PAK1: variants seen among roughly 807,000 people sequenced by gnomAD.
PAK1 encodes the protein serine/threonine-protein kinase PAK 1.
Under a neutral mutation model 67.4 loss-of-function variants are expected in PAK1, and 29 were observed. The ratio of observed to expected loss-of-function variants is 0.43; its 90% CI spans 0.32 to 0.59. The LOEUF is 0.59. Ranked by LOEUF, PAK1 falls within the 20% of genes least tolerant of loss-of-function variation. The pLI is 0.07. For missense variants in PAK1, 337 were observed against 670.7 expected (o/e 0.50, Z 5.50); for synonymous variants, 223 against 237.4 (o/e 0.94, Z 0.56).
intron 2 of PAK1, among the ~76,000 whole-genome samples, chr11:77,387,574 T>C (rs1397338651): frequency 6.6e-6 from 1 of 152,260 alleles, no homozygotes; most frequent in African/African-American, 2.4e-5. Flanking sequence ...AATGAGTTGT[T>C]GTAGGTATCA....
intron 1 of PAK1, among the ~76,000 whole-genome samples, chr11:77,429,094 A>AAAAAAAAAC (rs1565696623): frequency 9.7e-6 from 1 of 102,636 alleles, no homozygotes; most frequent in African/African-American, 1.0e-4. Flanking sequence ...AAAAAAAAAA[A>AAAAAAAAAC]CACACACACA....
upstream of PAK1, among the ~76,000 whole-genome samples, chr11:77,477,260 A>G (rs966895222): frequency 7.2e-5 from 11 of 152,226 alleles, no homozygotes; most frequent in African/African-American, 2.2e-4. Flanking sequence ...AGGCAAAACA[A>G]TGTATAACAA....
the PAK1 span, among the ~76,000 whole-genome samples, chr11:77,523,773 T>A: frequency 6.6e-6 from 1 of 152,130 alleles, no homozygotes; most frequent in Non-Finnish European, 1.5e-5. Flanking sequence ...TAATAAAAAG[T>A]TTTTCAAAAT....
intron 1 of PAK1, among the ~76,000 whole-genome samples, chr11:77,406,793 AG>A (rs1250532116): frequency 6.6e-6 from 1 of 152,052 alleles, no homozygotes; most frequent in Non-Finnish European, 1.5e-5. Context: ...AGGAAAAAAA[AG>A]AGTAGACACC....
intron 1 of PAK1, among the ~76,000 whole-genome samples, chr11:77,393,691 A>C (rs185804004): frequency 6.6e-6 from 1 of 152,324 alleles, no homozygotes; most frequent in Non-Finnish European, 1.5e-5. Flanking sequence ...TCTGAGAAAC[A>C]GTAGAATAAA....
At chr11:77,498,368 A>T in the PAK1 span, among the ~76,000 whole-genome samples, 1 of 152,298 alleles carries the variant, frequency 6.6e-6, no homozygotes, top group Admixed American at 6.5e-5. Context: ...TGATATCATG[A>T]CCCACTCATG....
chr11:77,517,104 C>T, the PAK1 span, among the ~76,000 whole-genome samples: 10 of 152,154 alleles, frequency 6.6e-5, no homozygotes, highest in African/African-American at 2.4e-4. Context: ...TTCCTTCAGG[C>T]ATAATTAGAA....
the PAK1 span, among the ~76,000 whole-genome samples, chr11:77,485,800 T>A: frequency 6.6e-6 from 1 of 152,150 alleles, no homozygotes; most frequent in Non-Finnish European, 1.5e-5. Context: ...AAAATTAAAA[T>A]TTTAAAAAGG....
At chr11:77,428,759 CAT>C (rs1031394851) in intron 1 of PAK1, among the ~76,000 whole-genome samples, 3 of 151,626 alleles carry the variant, frequency 2.0e-5, no homozygotes, top group African/African-American at 7.3e-5. Context: ...TGTGGAATAT[CAT>C]AGTCTAAGTA....
intron 5 of PAK1, among the ~76,000 whole-genome samples, chr11:77,361,131 A>G (rs1210590592): frequency 6.6e-6 from 1 of 152,186 alleles, no homozygotes; most frequent in African/African-American, 2.4e-5. Context: ...CTAGAAGAGA[A>G]TAGAGTAAAA....
At chr11:77,356,807 A>G (rs751050964) in intron 6 of PAK1, among the ~76,000 whole-genome samples, 14 of 152,250 alleles carry the variant, frequency 9.2e-5, no homozygotes, top group Admixed American at 4.6e-4. Context: ...TGAGAAAATC[A>G]TAACTACAAG....
At chr11:77,371,028 C>G (rs1459486398) in intron 5 of PAK1, among the ~76,000 whole-genome samples, 1 of 152,196 alleles carries the variant, frequency 6.6e-6, no homozygotes, top group Non-Finnish European at 1.5e-5. Context: ...TATTATAAAT[C>G]CTTGTTTACA....
chr11:77,351,750 A>T (rs1021793716), intron 8 of PAK1, among the ~76,000 whole-genome samples: 3 of 149,910 alleles, frequency 2.0e-5, no homozygotes, highest in African/African-American at 7.3e-5. Context: ...GTATAATTTA[A>T]AAAAAAAAAG....
At chr11:77,431,032 T>C (rs1157984436) in intron 1 of PAK1, among the ~76,000 whole-genome samples, 3 of 152,174 alleles carry the variant, frequency 2.0e-5, no homozygotes, top group Non-Finnish European at 4.4e-5. Context: ...GAGAATCTAA[T>C]GATAAATGTA....
At chr11:77,491,317 G>A in the PAK1 span, among the ~76,000 whole-genome samples, 1 of 152,046 alleles carries the variant, frequency 6.6e-6, no homozygotes, top group East Asian at 1.9e-4. Flanking sequence ...AACATAGTAC[G>A]ATAAGATATA....
At chr11:77,366,147 C>T (rs935478578) in intron 5 of PAK1, among the ~76,000 whole-genome samples, 3 of 152,098 alleles carry the variant, frequency 2.0e-5, no homozygotes, top group Admixed American at 2.0e-4. Flanking sequence ...TAAAGACATT[C>T]CAGATTAACA....
intron 1 of PAK1, among the ~76,000 whole-genome samples, chr11:77,449,077 C>A (rs562777584): frequency 7.4e-4 from 112 of 152,222 alleles, no homozygotes; most frequent in Non-Finnish European, 9.6e-4. Context: ...TGAAATTAAC[C>A]CAGAAAGCTC....
chr11:77,407,021 G>T (rs988914213), intron 1 of PAK1, among the ~76,000 whole-genome samples: 1 of 152,040 alleles, frequency 6.6e-6, no homozygotes, highest in African/African-American at 2.4e-5. Flanking sequence ...TAGCTATTAC[G>T]TGCCTACTAT....
intron 1 of PAK1, among the ~76,000 whole-genome samples, chr11:77,434,935 T>C (rs1956045284): frequency 6.6e-6 from 1 of 151,062 alleles, no homozygotes; most frequent in South Asian, 2.1e-4. Flanking sequence ...ATTTTTGAAT[T>C]TTTTTTTTGT....
Sources: allele counts gnomAD v4.1 joint callset (sites outside exome capture counted in the v4.1 genomes callset), GRCh38; gene constraint gnomAD v4.1.1; transcripts MANE v1.5; gene names NCBI Gene and HGNC (gene_info 2026-07-23, HGNC 2026-07-21).